The following TMEM214 variants were observed in gnomAD, a reference collection of about 807,000 sequenced individuals.
TMEM214 encodes transmembrane protein 214.
TMEM214 carries 71 observed loss-of-function variants against 89.8 expected under a neutral mutation model. That is an observed-to-expected ratio of 0.79 (90% CI 0.65 to 0.96). The LOEUF is 0.96. Among genes scored for constraint, TMEM214 ranks in the 40% least tolerant of loss-of-function variants. The pLI is 0.00. For missense variants in TMEM214, 754 were observed against 843.4 expected, an observed-to-expected ratio of 0.89 and a Z score of 1.31; for synonymous variants, 332 against 349.5, an observed-to-expected ratio of 0.95 and a Z score of 0.56.
At position 27,040,056 on chromosome 2, in the gene TMEM214, G is replaced by A; in HGVS notation, c.1649G>A (p.Trp550Ter). 1 of 1,607,434 alleles carries A rather than the reference G, an allele frequency of 6.2e-7. No individual in the cohort carries two copies. Among genetic ancestry groups the A allele is most frequent in the Non-Finnish European group, 8.5e-7 (1 of 1,179,806 alleles). Residue 550 changes from tryptophan (W) to a stop codon, truncating the protein, a stop_gained, in exon 15 of 17, where the codon TGG becomes TAG. Coordinates refer to ENST00000238788, the MANE Select transcript of TMEM214 (RefSeq NM_017727.5). LOFTEE classifies it high-confidence loss of function. The part of the protein sequence containing the change: ...YSWLGETLPL[W>*]GSHLLTVVRP... ...TGGCTGGGGGAGACACTGCCGCTCT[G>A]GGGCTCCCACCTGCTCACCGTGGTG...
rs1321966053 is a variant in TMEM214 at position 27,037,541 on chromosome 2, T to C, written c.1011-20T>C. The C allele has an allele frequency of 6.2e-7, 1 of 1,613,906 alleles. No individual in the cohort carries two copies. The highest frequency in any genetic ancestry group is 1.3e-5 in the African/African-American group (1 of 74,888). ...CTCCACTTATAGCTTATGCCTGTCTTTCCTCCCCACCCCACCCAGCCTGCA... is the reference window on the plus strand; with the variant it reads ...CTCCACTTATAGCTTATGCCTGTCTCTCCTCCCCACCCCACCCAGCCTGCA... On this transcript the variant is annotated intron_variant, in intron 8 of 16. Coordinates refer to ENST00000238788, the MANE Select transcript of TMEM214 (RefSeq NM_017727.5).
chr2:27,035,112 G>T, intron 2 of TMEM214, 23 bp from the exon 3 acceptor site: 1 of 1,612,818 alleles, frequency 6.2e-7, no homozygotes, highest in Non-Finnish European at 8.5e-7. Context: ...CATGGTGGGG[G>T]GTTGGGGGAT....
At position 27,038,826 on chromosome 2, in the gene TMEM214, C is replaced by T. The variant is rs369976171; in HGVS notation, c.1407+11C>T. 11 of 1,605,776 alleles carry T rather than the reference C, an allele frequency of 6.9e-6. No homozygotes were observed. Among genetic ancestry groups the T allele is most frequent in the Admixed American group, 1.7e-5 (1 of 59,840 alleles). ...GACATGGCCTGCAAGGTGCTGGCAC[C>T]CGGTCCTCTCCAGCCCACACGCTAT... On this transcript the variant is annotated intron_variant, in intron 12 of 16. Transcript: ENST00000238788. The surrounding 1 kb of genome is among the most constrained non-coding windows in gnomAD (Gnocchi z 4.4).
rs1459742396 is a variant in TMEM214, at chr2:27,036,037, G to A, written c.705G>A (p.Thr235=). Residue 235 remains threonine, a synonymous_variant, in exon 5 of 17, where the codon ACG becomes ACA. Coordinates refer to ENST00000238788, the MANE Select transcript of TMEM214 (RefSeq NM_017727.5). ...AILQDKPKIA[T]ANLGKFLELL... is the part of the protein sequence containing the mutation. Reference sequence around the variant, plus strand: ...TGCAAGACAAGCCCAAGATTGCCACGGCAAACCTAGGCAAGGTGAGCTCTC... The same window carrying A: ...TGCAAGACAAGCCCAAGATTGCCACAGCAAACCTAGGCAAGGTGAGCTCTC... 18 of 1,614,006 alleles carry A rather than the reference G, an allele frequency of 1.1e-5. No individual in the cohort carries two copies. Among genetic ancestry groups the A allele is most frequent in the African/African-American group, 4.0e-5 (3 of 74,912 alleles).
In TMEM214 at chr2:27,038,956, T is replaced by C. The variant is rs1667695219; in HGVS notation, c.1408-91T>C. 2.7e-6 allele frequency: 4 copies of C among 1,495,712 alleles called. No homozygotes were observed. Among genetic ancestry groups the C allele is most frequent in the Admixed American group, 3.4e-5 (2 of 59,572 alleles). 92.7% of individuals were successfully genotyped at this position (1,495,712 alleles called of 1,614,324 possible). ...CCAGGATAATGTGAAGGCTTGACGC[T>C]CTTTCGGGAAGGCCTGGCTTGAGGT... On this transcript the variant is annotated intron_variant, in intron 12 of 16. Coordinates refer to ENST00000238788, the MANE Select transcript of TMEM214 (RefSeq NM_017727.5). This position sits in a 1 kb window ranked among gnomAD's most constrained non-coding sequence, Gnocchi z 4.4.
Position 27,037,667 on chromosome 2 carries a change from G to A in TMEM214, c.1117G>A (p.Ala373Thr), listed in dbSNP as rs1177368299. The A allele has an allele frequency of 2.5e-6, 4 of 1,614,150 alleles. No individual in the cohort carries two copies. Among genetic ancestry groups the A allele is most frequent in the South Asian group, 1.1e-5 (1 of 91,086 alleles). ...HTYFPSFLSR[A>T]TPSCPPEMKK... ...CTACTTCCCTTCTTTCCTGTCCAGA[G>A]CCACCCCTAGCTGTCCCCCTGAGAT... The change falls in exon 9 of 17, where the codon GCC (alanine) becomes ACC (threonine). Residue 373 changes from alanine (A) to threonine (T), a missense_variant. Ala to Thr is a moderately conservative substitution (Grantham distance 58, BLOSUM62 0). Coordinates refer to ENST00000238788, the MANE Select transcript of TMEM214 (RefSeq NM_017727.5).
chr2:27,037,815 C>G, intron 9 of TMEM214, 113 bp downstream of exon 9: 1 of 1,604,030 alleles, frequency 6.2e-7, no homozygotes. Context: ...TTTTCCTTAG[C>G]TCCCTGTTGA....
chr2:27,039,780 T>TA lies in TMEM214; in HGVS notation c.1566dup (p.Pro523ThrfsTer3). The TA allele has an allele frequency of 6.2e-7, 1 of 1,614,224 alleles. No homozygotes were observed. The highest frequency in any genetic ancestry group is 8.5e-7 in the Non-Finnish European group (1 of 1,180,040). ...CGGTTGCTTCGATCATCTGGCTTCTTACCTGCTAGCCAACAAGCGTGTGCC... is the reference window on the plus strand; with the variant it reads ...CGGTTGCTTCGATCATCTGGCTTCTTAACCTGCTAGCCAACAAGCGTGTGCC... On this transcript the variant is annotated frameshift_variant, in exon 14 of 17. Transcript: ENST00000238788. LOFTEE classifies it high-confidence loss of function.
chr2:27,040,175 A>G lies in TMEM214; in HGVS notation c.1768A>G (p.Ser590Gly), dbSNP rs779567740. The stretch of plus-strand genomic sequence containing the variant: ...CTCTCACCTTGCGTGGTTTGGTGAC[A>G]GTCTCACCAGTCTCTCTCAGAGGGT... ...CASHLAWFGD[S>G]LTSLSQRLQI... is the part of the protein sequence containing the mutation. Residue 590 changes from serine (S) to glycine (G), a missense_variant, in exon 15 of 17, where the codon AGT (serine) becomes GGT (glycine). Coordinates refer to ENST00000238788, the MANE Select transcript of TMEM214 (RefSeq NM_017727.5). The G allele has an allele frequency of 8.7e-6, 14 of 1,605,874 alleles. No homozygotes were observed. The East Asian group carries it at 2.5e-4, about 28-fold the overall frequency.
In TMEM214 at chr2:27,039,074, C is replaced by T. The variant is rs193089668; in HGVS notation, c.1435C>T (p.Arg479Trp). ...KGLLQQVQGP[R>W]LPWTRLLLLL... ...CCTGTTGCAGCAGGTTCAGGGTCCT[C>T]GGCTGCCCTGGACGCGGCTCCTCCT... The change falls in exon 13 of 17, where the codon CGG (arginine) becomes TGG (tryptophan). Residue 479 changes from arginine to tryptophan, a missense_variant. Physicochemically the swap from Arg to Trp is moderately radical, Grantham distance 101 (BLOSUM62 -3). Transcript: ENST00000238788. The T allele has an allele frequency of 3.8e-5, 61 of 1,613,732 alleles. No homozygotes were observed. Among genetic ancestry groups the T allele is most frequent in the Admixed American group, 1.7e-4 (10 of 60,026 alleles).
intron 1 of TMEM214, among the ~76,000 whole-genome samples, chr2:27,033,381 C>G (rs190069671): frequency 9.2e-5 from 14 of 152,282 alleles, no homozygotes; most frequent in African/African-American, 3.1e-4. Context: ...AGTTGGATAC[C>G]TTGGCCAGGG....
chr2:27,035,852 T>G, intron 4 of TMEM214, 118 bp from the exon 5 acceptor site: 4 of 1,581,334 alleles, frequency 2.5e-6, no homozygotes, highest in Non-Finnish European at 3.5e-6. Flanking sequence ...TTTTGGAAAG[T>G]GTGGAGGAAG....
Position 27,038,196 on chromosome 2 carries a change from C to A in TMEM214, c.1203C>A (p.Ser401Arg). The A allele has an allele frequency of 6.2e-7, 1 of 1,614,208 alleles. No homozygotes were observed. Among genetic ancestry groups the A allele is most frequent in the South Asian group, 1.1e-5 (1 of 91,090 alleles). ...ECLTVDPLSA[S>R]VWRQLYPKHL... is the part of the protein sequence containing the mutation. The stretch of plus-strand genomic sequence containing the variant: ...TGACGGTGGACCCCCTCAGTGCCAG[C>A]GTCTGGAGGCAGCTGTACCCTAAGC... The change falls in exon 10 of 17, where the codon AGC (serine) becomes AGA (arginine). Residue 401 changes from serine to arginine, a missense_variant. Ser to Arg is a moderately radical substitution (Grantham distance 110). Coordinates refer to ENST00000238788, the MANE Select transcript of TMEM214 (RefSeq NM_017727.5). This position sits in a 1 kb window ranked among gnomAD's most constrained non-coding sequence, Gnocchi z 4.4.
Position 27,038,538 on chromosome 2 carries a change from G to T in TMEM214, c.1293+6G>T. 6.2e-7 allele frequency: 1 copy of T among 1,613,998 alleles called. No individual in the cohort carries two copies. Among genetic ancestry groups the T allele is most frequent in the Non-Finnish European group, 8.5e-7 (1 of 1,179,972 alleles). On this transcript the variant is annotated splice_donor_region_variant and intron_variant, in intron 11 of 16. Coordinates refer to ENST00000238788, the MANE Select transcript of TMEM214 (RefSeq NM_017727.5). This position sits in a 1 kb window ranked among gnomAD's most constrained non-coding sequence, Gnocchi z 4.4. ...GGGAGCAGATTCCCAAGAAGGTGAG[G>T]AGCTGGGAGGACGTGGCAGGTTGAG...
At chr2:27,034,292 A>G in intron 2 of TMEM214, 26 bp downstream of exon 2, 1 of 1,610,354 alleles carries the variant, frequency 6.2e-7, no homozygotes, top group Non-Finnish European at 8.5e-7. Flanking sequence ...CATGAGACGC[A>G]GAAAGAATGG....
rs1667588367 is a variant in TMEM214, at chr2:27,036,841, A to G, written c.908+55A>G. 3 of 1,570,932 alleles carry G rather than the reference A, an allele frequency of 1.9e-6. No homozygotes were observed. In the South Asian group the frequency reaches 3.3e-5, roughly 17 times the overall value. On this transcript the variant is annotated intron_variant, in intron 7 of 16. Transcript: ENST00000238788. The stretch of plus-strand genomic sequence containing the variant: ...GCTCAGGGTGTCCCAAGTGGCTGTT[A>G]TAGCAAAATGGGAGGCTATGATCTT...
intron 1 of TMEM214, among the ~76,000 whole-genome samples, chr2:27,033,790 A>G (rs1667434270): frequency 6.6e-6 from 1 of 152,100 alleles, no homozygotes; most frequent in Admixed American, 6.5e-5. Context: ...GCAAACCTCT[A>G]TATCCAACCT....
chr2:27,037,945 A>G, intron 9 of TMEM214: 1 of 1,550,486 alleles, frequency 6.4e-7, no homozygotes, highest in South Asian at 1.2e-5. Context: ...TTTGAGCTCA[A>G]AGCTCTAGCT....
chr2:27,040,267 G>C lies in TMEM214; in HGVS notation c.1791+69G>C, dbSNP rs1051594409. On this transcript the variant is annotated intron_variant, in intron 15 of 16. Coordinates refer to ENST00000238788, the MANE Select transcript of TMEM214 (RefSeq NM_017727.5). ...GGAGCAGAATTCTGGGAAAGGAGCA[G>C]CACTGTGTGGCCTGAGTCTTTAGGG... is the stretch of plus-strand genomic sequence containing the variant. The C allele has an allele frequency of 1.4e-5, 22 of 1,607,448 alleles. No homozygotes were observed. In the Admixed American group the frequency reaches 2.7e-4, roughly 20 times the overall value.
Sources: gnomAD v4.1 joint callset for allele counts (sites outside exome capture counted in the v4.1 genomes callset) on GRCh38, gnomAD v4.1.1 for gene constraint, Gnocchi (gnomAD v3.1) non-coding constraint, MANE v1.5 for transcripts, NCBI Gene and HGNC (gene_info 2026-07-23, HGNC 2026-07-21) for gene names.